The following CDK5RAP2 variants were observed in gnomAD, a reference collection of about 807,000 sequenced individuals.
CDK5RAP2 encodes CDK5 regulatory subunit associated protein 2.
CDK5RAP2 carries 147 observed loss-of-function variants against 232.9 expected under a neutral mutation model. The observed-to-expected ratio is 0.63, with a 90% CI of 0.55 to 0.72. CDK5RAP2 has a LOEUF of 0.72. Ranked by LOEUF, CDK5RAP2 falls within the 30% of genes least tolerant of loss-of-function variation. The pLI is 0.00. For missense variants in CDK5RAP2, 2,195 were observed against 2,231.5 expected (o/e 0.98, Z 0.33); for synonymous variants, 833 against 833.7 (o/e 1.00, Z 0.01).
At chr9:120,409,521 G>C (rs1445529616) in intron 29 of CDK5RAP2, among the ~76,000 whole-genome samples, 1 of 152,242 alleles carries the variant, frequency 6.6e-6, no homozygotes. Context: ...GGGATAAAAT[G>C]GGCCTGTTTA....
At chr9:120,549,256 C>T (rs1343350808) in intron 4 of CDK5RAP2, among the ~76,000 whole-genome samples, 2 of 152,016 alleles carry the variant, frequency 1.3e-5, no homozygotes, top group African/African-American at 4.8e-5. Flanking sequence ...GGTTTATACA[C>T]ATACACACAC....
At chr9:120,573,066 G>A (rs1007671416) in intron 1 of CDK5RAP2, among the ~76,000 whole-genome samples, 3 of 152,174 alleles carry the variant, frequency 2.0e-5, no homozygotes, top group African/African-American at 7.2e-5. Context: ...TGTAAAGTAG[G>A]AGTTGATGGA....
intron 1 of CDK5RAP2, among the ~76,000 whole-genome samples, chr9:120,573,883 C>G (rs1360905048): frequency 1.3e-5 from 2 of 152,156 alleles, no homozygotes; most frequent in Non-Finnish European, 2.9e-5. Flanking sequence ...CAACCATCAC[C>G]TTTTGCAGAT....
Position 120,400,838 on chromosome 9 carries a change from C to A in CDK5RAP2, c.5355G>T (p.Thr1785=), listed in dbSNP as rs145402135. The A allele has an allele frequency of 6.2e-7, 1 of 1,614,118 alleles. No individual in the cohort carries two copies. Among genetic ancestry groups the A allele is most frequent in the Non-Finnish European group, 8.5e-7 (1 of 1,180,020 alleles). Residue 1785 remains threonine, a synonymous_variant, in exon 35 of 38, where the codon ACG becomes ACT. Coordinates refer to ENST00000349780, the MANE Select transcript of CDK5RAP2 (RefSeq NM_018249.6). ...PLSKFVSSVS[T]AKLTLEEAYR... ...AGGCCTCTTCCAGGGTCAGCTTGGC[C>A]GTGCTCACACTGCTCACAAACTTGC...
rs748940939 is a variant in CDK5RAP2 at position 120,453,575 on chromosome 9, C to G, written c.2674G>C (p.Glu892Gln). The G allele has an allele frequency of 6.2e-7, 1 of 1,614,170 alleles. No individual in the cohort carries two copies. The highest frequency in any genetic ancestry group is 1.1e-5 in the South Asian group (1 of 91,084). Residue 892 changes from glutamate (E) to glutamine (Q), a missense_variant, in exon 21 of 38, where the codon GAG becomes CAG. Physicochemically the swap from Glu to Gln is conservative, Grantham distance 29. Coordinates refer to ENST00000349780, the MANE Select transcript of CDK5RAP2 (RefSeq NM_018249.6). ...TTGATCGGTTTCTCTTCCCAAGCCT[C>G]TCTTGTTGCTTCATGCTTGAATCTC... ...LLRFKHEATR[E>Q]AWEEKPINTA...
At chr9:120,557,098 A>G (rs3933338) in intron 3 of CDK5RAP2, among the ~76,000 whole-genome samples, 1 of 152,162 alleles carries the variant, frequency 6.6e-6, no homozygotes, top group Non-Finnish European at 1.5e-5. Context: ...AGGTAAAGAA[A>G]TTTTTGTATA....
intron 10 of CDK5RAP2, among the ~76,000 whole-genome samples, chr9:120,525,659 C>A (rs1208198422): frequency 2.0e-5 from 3 of 152,118 alleles, no homozygotes; most frequent in Non-Finnish European, 4.4e-5. Flanking sequence ...GCTCTGTCAC[C>A]CAGGCTAGAG....
intron 14 of CDK5RAP2, among the ~76,000 whole-genome samples, chr9:120,484,763 T>C (rs763923757): frequency 3.1e-4 from 47 of 152,120 alleles, no homozygotes; most frequent in Non-Finnish European, 4.9e-4. Flanking sequence ...GGGCTCACTC[T>C]GTGACCCAGG....
chr9:120,469,832 A>C (rs146113113), intron 17 of CDK5RAP2, among the ~76,000 whole-genome samples: 84 of 152,356 alleles, frequency 5.5e-4, no homozygotes, highest in African/African-American at 2.0e-3. Flanking sequence ...AAAGAGGTGA[A>C]CAGCCTGACG....
chr9:120,460,863 C>T (rs1382290012), intron 18 of CDK5RAP2, 196 bp from the exon 19 acceptor site: 1 of 803,458 alleles, frequency 1.2e-6, no homozygotes, highest in Non-Finnish European at 1.9e-6. Context: ...GAATCAGACA[C>T]AGCTGCCTGG....
intron 8 of CDK5RAP2, 84 bp from the exon 9 acceptor site, chr9:120,528,881 T>C: frequency 1.1e-6 from 1 of 950,598 alleles, no homozygotes; most frequent in Admixed American, 1.8e-5. Context: ...CACGTCCTTG[T>C]CGCTTACTCA....
At chr9:120,540,392 A>G (rs920004673) in intron 5 of CDK5RAP2, among the ~76,000 whole-genome samples, 6 of 152,236 alleles carry the variant, frequency 3.9e-5, no homozygotes, top group African/African-American at 1.4e-4. Context: ...AAATTTTTCC[A>G]ACTGAGAGCC....
chr9:120,497,742 G>A (rs1013315237), intron 12 of CDK5RAP2, among the ~76,000 whole-genome samples: 1 of 152,170 alleles, frequency 6.6e-6, no homozygotes, highest in Non-Finnish European at 1.5e-5. Context: ...AGAGTGTTGG[G>A]AGAAAAGCTG....
chr9:120,543,521 C>A (rs2041722898), intron 5 of CDK5RAP2, among the ~76,000 whole-genome samples: 1 of 152,160 alleles, frequency 6.6e-6, no homozygotes, highest in Non-Finnish European at 1.5e-5. Context: ...AATGCCATCT[C>A]CTCAGGGACA....
At chr9:120,389,503 C>G (rs992254242) in intron 37 of CDK5RAP2, among the ~76,000 whole-genome samples, 7 of 152,202 alleles carry the variant, frequency 4.6e-5, no homozygotes, top group East Asian at 1.9e-4. Flanking sequence ...ATGTGTCAAG[C>G]ATTGTTTGCT....
chr9:120,481,377 A>G (rs1470758024), intron 14 of CDK5RAP2, among the ~76,000 whole-genome samples: 1 of 152,240 alleles, frequency 6.6e-6, no homozygotes, highest in Non-Finnish European at 1.5e-5. Flanking sequence ...CAGTGACAAA[A>G]TAAGAAAATC....
chr9:120,571,322 A>T (rs1040024852), intron 2 of CDK5RAP2, among the ~76,000 whole-genome samples: 1 of 152,192 alleles, frequency 6.6e-6, no homozygotes, highest in African/African-American at 2.4e-5. Context: ...TGTGGAGAAG[A>T]GAAAAAAAAG....
chr9:120,391,016 G>A (rs564521039), intron 36 of CDK5RAP2, among the ~76,000 whole-genome samples: 2 of 152,254 alleles, frequency 1.3e-5, no homozygotes, highest in African/African-American at 2.4e-5. Context: ...GCAGGGCAAA[G>A]TTCCTGACAT....
intron 11 of CDK5RAP2, among the ~76,000 whole-genome samples, chr9:120,522,684 T>C (rs1485272938): frequency 6.6e-6 from 1 of 152,226 alleles, no homozygotes; most frequent in Non-Finnish European, 1.5e-5. Flanking sequence ...CACTATCACC[T>C]TCACAGTGAA....
Sources: gnomAD v4.1 joint callset for allele counts (sites outside exome capture counted in the v4.1 genomes callset) on GRCh38, gnomAD v4.1.1 for gene constraint, MANE v1.5 for transcripts, NCBI Gene and HGNC (gene_info 2026-07-23, HGNC 2026-07-21) for gene names.